ARHGAP32: variants seen among roughly 807,000 people sequenced by gnomAD.
The protein encoded by ARHGAP32 is rho GTPase-activating protein 32.
In ARHGAP32, 51 loss-of-function variants were observed where a neutral mutation model predicts 186.5. The observed-to-expected ratio is 0.27, with a 90% CI of 0.22 to 0.35. ARHGAP32 has a LOEUF of 0.35. Among genes scored for constraint, ARHGAP32 ranks in the 10% least tolerant of loss-of-function variants. The probability of loss-of-function intolerance (pLI) is 1.00; values close to 1 mark genes in which losing one functional copy is unlikely to be tolerated. For synonymous variants in ARHGAP32, 950 were observed against 964.3 expected (o/e 0.99, Z 0.27); for missense variants, 2,186 against 2,623.5 (o/e 0.83, Z 3.64).
chr11:129,102,035 T>C (rs908553291), intron 5 of ARHGAP32, among the ~76,000 whole-genome samples: 4 of 152,136 alleles, frequency 2.6e-5, no homozygotes, highest in Non-Finnish European at 4.4e-5. Context: ...AACCAGAAGA[T>C]ATTGAGAGTC....
chr11:129,108,599 C>A (rs1257112341), intron 5 of ARHGAP32, among the ~76,000 whole-genome samples: 2 of 152,090 alleles, frequency 1.3e-5, no homozygotes, highest in Non-Finnish European at 2.9e-5. Flanking sequence ...TTGTTGATCA[C>A]CTCTCTATCT....
chr11:129,083,660 A>G (rs1941292202), intron 6 of ARHGAP32, among the ~76,000 whole-genome samples: 2 of 152,228 alleles, frequency 1.3e-5, no homozygotes. Context: ...AGAAATCACC[A>G]CTAAAGAACT....
intron 11 of ARHGAP32, among the ~76,000 whole-genome samples, chr11:129,003,549 T>A (rs569457947): frequency 6.6e-6 from 1 of 152,304 alleles, no homozygotes; most frequent in South Asian, 2.1e-4. Context: ...TATTATAATT[T>A]TGATCTCATT....
chr11:129,228,524 G>A (rs555326052), intron 1 of ARHGAP32, among the ~76,000 whole-genome samples: 25 of 152,258 alleles, frequency 1.6e-4, no homozygotes, highest in African/African-American at 5.8e-4. Flanking sequence ...ATACCATGTA[G>A]CCATAAAAAG....
intron 10 of ARHGAP32, among the ~76,000 whole-genome samples, chr11:129,043,381 C>CTTTTTTT (rs1213682729): frequency 1.3e-3 from 133 of 103,288 alleles, no homozygotes; most frequent in African/African-American, 1.6e-3. Context: ...TTCTTTTTTT[C>CTTTTTTT]TTTTTTTTTT....
chr11:129,210,593 G>T (rs1011483574), intron 1 of ARHGAP32, among the ~76,000 whole-genome samples: 1 of 152,074 alleles, frequency 6.6e-6, no homozygotes, highest in East Asian at 1.9e-4. Flanking sequence ...CACAATACTT[G>T]CAAAAATACC....
Position 129,125,829 on chromosome 11 carries a change from T to C in ARHGAP32, c.226-935A>G, listed in dbSNP as rs181870077. The stretch of plus-strand genomic sequence containing the variant: ...TTTTCTTAGCAAATTTAACTATTTA[T>C]AAGGGTTGGTATTTCATGATCAAGA... On this transcript the variant is annotated intron_variant, in intron 2 of 22. Transcript: ENST00000682385. The C allele has an allele frequency of 3.1e-4, 124 of 406,088 alleles. No individual in the cohort carries two copies. In the East Asian group the frequency reaches 3.6e-3, roughly 12 times the overall value. The allele number at this position is 406,088 out of a possible 1,614,324, so 25.2% of individuals were successfully genotyped here.
At chr11:129,110,234 T>TA (rs929764863) in intron 5 of ARHGAP32, among the ~76,000 whole-genome samples, 8 of 152,004 alleles carry the variant, frequency 5.3e-5, no homozygotes, top group Admixed American at 1.3e-4. Flanking sequence ...GGCAACTTTA[T>TA]AAAAAAAATT....
At chr11:129,204,380 G>C (rs1213034139) in intron 1 of ARHGAP32, among the ~76,000 whole-genome samples, 1 of 152,040 alleles carries the variant, frequency 6.6e-6, no homozygotes, top group Non-Finnish European at 1.5e-5. Context: ...GGAGAGGTCA[G>C]GAAGAGACTA....
At chr11:129,193,667 T>TATATA (rs1491553736), upstream of ARHGAP32, among the ~76,000 whole-genome samples, 3 of 47,220 alleles carry the variant, frequency 6.4e-5, no homozygotes, top group Admixed American at 3.9e-4. Context: ...CAATATATAT[T>TATATA]ATATATAATA....
intron 11 of ARHGAP32, among the ~76,000 whole-genome samples, chr11:129,025,659 AAGAAAAAAG>A (rs1938805346): frequency 1.3e-5 from 2 of 151,954 alleles, no homozygotes; most frequent in African/African-American, 2.4e-5. Context: ...GAGAGAGAGG[AAGAAAAAAG>A]AGAAAGAAGA....
At chr11:129,234,138 T>C (rs917707089) in intron 1 of ARHGAP32, among the ~76,000 whole-genome samples, 15 of 152,104 alleles carry the variant, frequency 9.9e-5, no homozygotes, top group African/African-American at 3.4e-4. Flanking sequence ...ACAAAGGCTA[T>C]TGCAATAATT....
intron 2 of ARHGAP32, among the ~76,000 whole-genome samples, chr11:129,146,007 T>A (rs548622776): frequency 6.6e-6 from 1 of 152,226 alleles, no homozygotes; most frequent in African/African-American, 2.4e-5. Context: ...AATGGTTACA[T>A]TTGTGATGGT....
Position 129,129,476 on chromosome 11 carries a change from C to T in ARHGAP32, c.226-4582G>A, listed in dbSNP as rs576857179. On this transcript the variant is annotated intron_variant, in intron 2 of 22. Transcript: ENST00000682385. ...GGAGGTGGGGGGCGCCTCTGCCCGG[C>T]CGCCCCGTCTGGGAAGTGAGGAGCC... Among the ~76,000 whole-genome samples, 962 of 152,226 alleles carry T rather than the reference C, an allele frequency of 6.3e-3. 6 individuals are homozygous for T. Among genetic ancestry groups the T allele is most frequent in the African/African-American group, 0.022 (909 of 41,540 alleles).
intron 2 of ARHGAP32, among the ~76,000 whole-genome samples, chr11:129,128,313 A>C (rs938542345): frequency 1.3e-5 from 2 of 152,184 alleles, no homozygotes; most frequent in African/African-American, 4.8e-5. Flanking sequence ...CAAGAGGATA[A>C]ATTCCTTGAG....
intron 1 of ARHGAP32, among the ~76,000 whole-genome samples, chr11:129,246,013 G>A (rs1010018987): frequency 6.6e-6 from 1 of 152,042 alleles, no homozygotes; most frequent in Non-Finnish European, 1.5e-5. Flanking sequence ...TTATTCAATG[G>A]ATATTATTCA....
chr11:129,208,321 C>T (rs981464363), intron 1 of ARHGAP32, among the ~76,000 whole-genome samples: 3 of 152,128 alleles, frequency 2.0e-5, no homozygotes, highest in Non-Finnish European at 1.5e-5. Flanking sequence ...TCAGAAAACA[C>T]AGATTCATGA....
At chr11:129,250,329 G>A (rs1047348383) in intron 1 of ARHGAP32, among the ~76,000 whole-genome samples, 3 of 152,146 alleles carry the variant, frequency 2.0e-5, no homozygotes, top group Admixed American at 2.0e-4. Context: ...GATTTTGTTG[G>A]TGTCTATTTT....
intron 1 of ARHGAP32, among the ~76,000 whole-genome samples, chr11:129,204,655 C>G (rs1397106195): frequency 6.6e-6 from 1 of 152,130 alleles, no homozygotes; most frequent in Non-Finnish European, 1.5e-5. Context: ...TCTGACTGCT[C>G]CTCTGCTATT....
Sources: gnomAD v4.1 joint callset for allele counts (sites outside exome capture counted in the v4.1 genomes callset) on GRCh38, gnomAD v4.1.1 for gene constraint, MANE v1.5 for transcripts, NCBI Gene and HGNC (gene_info 2026-07-23, HGNC 2026-07-21) for gene names.